NUDT21: variants seen among roughly 807,000 people sequenced by gnomAD.
The protein encoded by NUDT21 is nudix hydrolase 21, also known as cleavage and polyadenylation specificity factor subunit 5.
In NUDT21, 5 loss-of-function variants were observed where a neutral mutation model predicts 29.8. The ratio of observed to expected loss-of-function variants is 0.17; its 90% CI spans 0.09 to 0.35. The LOEUF is 0.35. Among genes scored for constraint, NUDT21 ranks in the 10% least tolerant of loss-of-function variants. The pLI is 1.00. For missense variants in NUDT21, 76 were observed against 276.0 expected (o/e 0.28, Z 5.13); for synonymous variants, 113 against 98.5 (o/e 1.15, Z -0.87).
At chr16:56,448,696 C>G (rs1042453886) in intron 1 of NUDT21, among the ~76,000 whole-genome samples, 1 of 152,142 alleles carries the variant, frequency 6.6e-6, no homozygotes. Context: ...CTGTTAAAGA[C>G]AGTTTTCATC....
chr16:56,434,589 G>A, intron 5 of NUDT21, 144 bp from the exon 6 acceptor site: 1 of 772,292 alleles, frequency 1.3e-6, no homozygotes, highest in East Asian at 2.6e-5. Context: ...GTCTTTCAAG[G>A]TAGATTTCCT....
chr16:56,450,175 T>C (rs1462729653), intron 1 of NUDT21, among the ~76,000 whole-genome samples: 1 of 152,130 alleles, frequency 6.6e-6, no homozygotes, highest in East Asian at 1.9e-4. Flanking sequence ...ACTGGCCACT[T>C]TCCTCCATCC....
chr16:56,450,681 T>C (rs1012933696), intron 1 of NUDT21, among the ~76,000 whole-genome samples: 1 of 152,350 alleles, frequency 6.6e-6, no homozygotes, highest in South Asian at 2.1e-4. Flanking sequence ...GCAAAAATGA[T>C]ACTAGGTTAT....
chr16:56,448,924 T>C (rs559346068), intron 1 of NUDT21, among the ~76,000 whole-genome samples: 1 of 152,188 alleles, frequency 6.6e-6, no homozygotes, highest in African/African-American at 2.4e-5. Context: ...GGGGAAAAAA[T>C]CAAGGTTGCC....
At chr16:56,434,669 A>G (rs1962074682) in intron 5 of NUDT21, 85 bp downstream of exon 5, 2 of 960,142 alleles carry the variant, frequency 2.1e-6, no homozygotes, top group South Asian at 1.4e-5. Context: ...AGTTCAAGGA[A>G]CTTTGAGAAA....
chr16:56,442,960 A>C (rs1400175447), intron 3 of NUDT21, among the ~76,000 whole-genome samples: 6 of 152,034 alleles, frequency 3.9e-5, no homozygotes, highest in African/African-American at 1.4e-4. Context: ...CACAGGTGCA[A>C]AATCTCCTCT....
At chr16:56,441,859 ATTGTCAG>A (rs1207672769) in intron 3 of NUDT21, among the ~76,000 whole-genome samples, 2 of 152,180 alleles carry the variant, frequency 1.3e-5, no homozygotes, top group African/African-American at 4.8e-5. Flanking sequence ...TCAAATATCA[ATTGTCAG>A]TTATTCTATT....
At position 56,431,409 on chromosome 16, in the gene NUDT21, A is replaced by C. The variant is rs148134711; in HGVS notation, c.*1303T>G. ...GGTTTGACATGACCCCAACTAAAAAAACTTGAGTGTTTATTAATTGCTCAG... is the reference window on the plus strand; with the variant it reads ...GGTTTGACATGACCCCAACTAAAAACACTTGAGTGTTTATTAATTGCTCAG... On this transcript the variant is annotated 3_prime_UTR_variant, in exon 7 of 7. Coordinates refer to ENST00000300291, the MANE Select transcript of NUDT21 (RefSeq NM_007006.3). 1.3e-5 allele frequency: 2 copies of C among 152,306 alleles called. No individual in the cohort carries two copies. The highest frequency in any genetic ancestry group is 3.9e-4 in the East Asian group (2 of 5,182). 9.4% of individuals were successfully genotyped at this position (152,306 alleles called of 1,614,324 possible).
chr16:56,435,743 TTATATA>T (rs777245596), intron 4 of NUDT21, among the ~76,000 whole-genome samples: 543 of 27,050 alleles, frequency 0.02, 21 homozygotes, highest in Middle Eastern at 0.031. Context: ...AAAAAAAAAA[TTATATA>T]TATATATATA....
intron 6 of NUDT21, among the ~76,000 whole-genome samples, chr16:56,433,136 C>A (rs1324937122): frequency 6.6e-6 from 1 of 152,252 alleles, no homozygotes; most frequent in African/African-American, 2.4e-5. Context: ...TGTAACCTAT[C>A]AGGAGGCCAA....
chr16:56,448,745 A>T (rs897344868), intron 1 of NUDT21, among the ~76,000 whole-genome samples: 1 of 152,212 alleles, frequency 6.6e-6, no homozygotes, highest in South Asian at 2.1e-4. Flanking sequence ...AAAGATAGTT[A>T]AAAAATCCAT....
rs1440717140 is a variant in NUDT21, at chr16:56,431,957, A to G, written c.*755T>C. The G allele has an allele frequency of 6.6e-6, 1 of 152,134 alleles. No individual in the cohort carries two copies. The highest frequency in any genetic ancestry group is 1.5e-5 in the Non-Finnish European group (1 of 68,026). The allele number at this position is 152,134 out of a possible 1,614,324, so 9.4% of individuals were successfully genotyped here. A position where few individuals can be genotyped will look rare whatever the true frequency, so the allele number is the denominator to read the frequency against. ...CCAATTTTAGAAATTTCCTTCACAG[A>G]TCCCTATTTTTACCATGGCTTTAAG... On this transcript the variant is annotated 3_prime_UTR_variant, in exon 7 of 7. Coordinates refer to ENST00000300291, the MANE Select transcript of NUDT21 (RefSeq NM_007006.3).
intron 1 of NUDT21, among the ~76,000 whole-genome samples, chr16:56,448,626 AC>A (rs1450584920): frequency 6.6e-6 from 1 of 152,148 alleles, no homozygotes; most frequent in Non-Finnish European, 1.5e-5. Context: ...TGAATCTTCT[AC>A]CCACCATATC....
rs1319073547 is a variant in NUDT21, at chr16:56,429,586, T to G, written c.*3126A>C. 1 of 152,204 alleles carries G rather than the reference T, an allele frequency of 6.6e-6. No homozygotes were observed. Among genetic ancestry groups the G allele is most frequent in the African/African-American group, 2.4e-5 (1 of 41,450 alleles). 9.4% of individuals were successfully genotyped at this position (152,204 alleles called of 1,614,324 possible). A position where few individuals can be genotyped will look rare whatever the true frequency, so the allele number is the denominator to read the frequency against. On this transcript the variant is annotated 3_prime_UTR_variant, in exon 7 of 7. Coordinates refer to ENST00000300291, the MANE Select transcript of NUDT21 (RefSeq NM_007006.3). ...TCAAATTACAGTATTAGGTTTCTCATCACGATTTGAACAAAAGCAAACTGC... is the reference window on the plus strand; with the variant it reads ...TCAAATTACAGTATTAGGTTTCTCAGCACGATTTGAACAAAAGCAAACTGC...
At chr16:56,448,908 T>C (rs1962248068) in intron 1 of NUDT21, among the ~76,000 whole-genome samples, 1 of 152,194 alleles carries the variant, frequency 6.6e-6, no homozygotes, top group African/African-American at 2.4e-5. Context: ...TCAGCCATTC[T>C]TGAAAGGGGA....
At chr16:56,450,776 AAC>A (rs1346158734) in intron 1 of NUDT21, among the ~76,000 whole-genome samples, 4 of 152,380 alleles carry the variant, frequency 2.6e-5, no homozygotes, top group South Asian at 4.1e-4. Flanking sequence ...GGATTAAAAA[AAC>A]ACACATTTTG....
At chr16:56,442,481 G>C (rs1962170902) in intron 3 of NUDT21, among the ~76,000 whole-genome samples, 1 of 152,148 alleles carries the variant, frequency 6.6e-6, no homozygotes, top group Non-Finnish European at 1.5e-5. Context: ...GTAGTTTAAT[G>C]CAATTTCTGA....
At chr16:56,443,263 A>G (rs919091712) in intron 3 of NUDT21, among the ~76,000 whole-genome samples, 6 of 149,784 alleles carry the variant, frequency 4.0e-5, no homozygotes, top group African/African-American at 1.5e-4. Flanking sequence ...TGCAACCTCC[A>G]CCTCCTGGGT....
chr16:56,430,377 G>A lies in NUDT21; in HGVS notation c.*2335C>T, dbSNP rs1270308506. ...CAGTGTCATTTAGTAGTTTTACATA[G>A]AATCTGCACTATACTTGGATACTCA... On this transcript the variant is annotated 3_prime_UTR_variant, in exon 7 of 7. Transcript: ENST00000300291. The A allele has an allele frequency of 3.3e-5, 5 of 151,998 alleles. No individual in the cohort carries two copies. The highest frequency in any genetic ancestry group is 2.9e-5 in the Non-Finnish European group (2 of 67,988). 9.4% of individuals were successfully genotyped at this position (151,998 alleles called of 1,614,324 possible).
Sources: gnomAD v4.1 joint callset for allele counts (sites outside exome capture counted in the v4.1 genomes callset) on GRCh38, gnomAD v4.1.1 for gene constraint, MANE v1.5 for transcripts, NCBI Gene and HGNC (gene_info 2026-07-23, HGNC 2026-07-21) for gene names.